The following SUGCT variants were observed in gnomAD, a reference collection of about 807,000 sequenced individuals.
SUGCT encodes the protein succinyl-CoA:glutarate-CoA transferase.
Under a neutral mutation model 55.0 loss-of-function variants are expected in SUGCT, and 41 were observed. The ratio of observed to expected loss-of-function variants is 0.74; its 90% CI spans 0.58 to 0.97. The LOEUF (loss-of-function observed/expected upper bound fraction) is 0.97. Among genes scored for constraint, SUGCT ranks in the 50% least tolerant of loss-of-function variants. The pLI, the probability that SUGCT is intolerant of heterozygous loss-of-function variation, is 0.00. For missense variants in SUGCT, 568 were observed against 547.8 expected (o/e 1.04, Z -0.37); for synonymous variants, 187 against 200.4 (o/e 0.93, Z 0.56).
chr7:40,420,648 G>A (rs1477265855), intron 9 of SUGCT, among the ~76,000 whole-genome samples: 1 of 152,062 alleles, frequency 6.6e-6, no homozygotes, highest in Admixed American at 6.6e-5. Context: ...CAGGAAGAGT[G>A]TGTGTTTTAA....
intron 12 of SUGCT, among the ~76,000 whole-genome samples, chr7:40,507,817 G>A (rs534266119): frequency 2.0e-5 from 3 of 152,268 alleles, no homozygotes; most frequent in African/African-American, 4.8e-5. Flanking sequence ...TGGTAAAGCC[G>A]AACATATGTG....
intron 1 of SUGCT, among the ~76,000 whole-genome samples, chr7:40,171,550 C>T (rs1562812473): frequency 6.6e-6 from 1 of 152,218 alleles, no homozygotes; most frequent in South Asian, 2.1e-4. Context: ...TGTTAAATCA[C>T]CTTTTTCTAA....
chr7:40,800,066 A>G (rs1304275564), intron 13 of SUGCT, among the ~76,000 whole-genome samples: 2 of 152,196 alleles, frequency 1.3e-5, no homozygotes, highest in Non-Finnish European at 2.9e-5. Context: ...TTCATTTCTG[A>G]CATTCAAAAG....
At chr7:40,429,006 A>T (rs932668958) in intron 9 of SUGCT, among the ~76,000 whole-genome samples, 6 of 152,214 alleles carry the variant, frequency 3.9e-5, no homozygotes, top group African/African-American at 7.2e-5. Flanking sequence ...TTTAAAATAA[A>T]AATTTTAATT....
At chr7:40,518,550 T>C (rs574888762) in intron 12 of SUGCT, among the ~76,000 whole-genome samples, 23 of 152,262 alleles carry the variant, frequency 1.5e-4, no homozygotes, top group Admixed American at 1.2e-3. Flanking sequence ...GAAATAAATA[T>C]AGATATGTTA....
At chr7:40,999,315 G>A in the SUGCT span, among the ~76,000 whole-genome samples, 1 of 151,542 alleles carries the variant, frequency 6.6e-6, no homozygotes, top group Non-Finnish European at 1.5e-5. Context: ...CATCAGCCTT[G>A]GGACTAAAAC....
chr7:40,363,444 G>T (rs923743438), intron 9 of SUGCT, among the ~76,000 whole-genome samples: 1 of 151,936 alleles, frequency 6.6e-6, no homozygotes, highest in African/African-American at 2.4e-5. Context: ...TCTCTTGTGG[G>T]CATTTAGTAC....
At chr7:40,249,817 C>T (rs2150927299) in intron 7 of SUGCT, among the ~76,000 whole-genome samples, 1 of 152,190 alleles carries the variant, frequency 6.6e-6, no homozygotes, top group East Asian at 1.9e-4. Context: ...GACAGAGTCT[C>T]ACTTTGTCGC....
the SUGCT span, among the ~76,000 whole-genome samples, chr7:40,950,037 T>A: frequency 6.6e-5 from 10 of 152,124 alleles, no homozygotes. Context: ...ATCTATAAAT[T>A]ACCTTGGGCA....
chr7:40,891,793 A>G, the SUGCT span, among the ~76,000 whole-genome samples: 16 of 152,152 alleles, frequency 1.1e-4, no homozygotes, highest in Non-Finnish European at 2.1e-4. Flanking sequence ...GCAGATCATG[A>G]GGTCAGAAGA....
intron 7 of SUGCT, among the ~76,000 whole-genome samples, chr7:40,258,531 A>G (rs1005178246): frequency 6.6e-6 from 1 of 152,122 alleles, no homozygotes; most frequent in Admixed American, 6.6e-5. Flanking sequence ...GGAGTGTGCA[A>G]CCATCTCCAG....
chr7:40,687,857 G>A lies in SUGCT; in HGVS notation c.1090-61577G>A, dbSNP rs1411821041. Among the ~76,000 whole-genome samples, 4 of 152,344 alleles carry A rather than the reference G, an allele frequency of 2.6e-5. No individual in the cohort carries two copies. In the East Asian group the frequency reaches 7.7e-4, roughly 29 times the overall value. Reference sequence around the variant, plus strand: ...TTCTGTGAAGGCTTCCAGGTTCTATGAGTGAGCAAGCTTGAAGCAGAGAGG... The same window carrying A: ...TTCTGTGAAGGCTTCCAGGTTCTATAAGTGAGCAAGCTTGAAGCAGAGAGG... On this transcript the variant is annotated intron_variant, in intron 12 of 13. Transcript: ENST00000335693.
intron 13 of SUGCT, among the ~76,000 whole-genome samples, chr7:40,844,113 C>CA (rs908452484): frequency 1.3e-5 from 2 of 152,114 alleles, no homozygotes; most frequent in African/African-American, 4.8e-5. Flanking sequence ...AGCATCCAAG[C>CA]ATGTTACAAT....
chr7:40,491,098 T>C (rs922197031), intron 11 of SUGCT, among the ~76,000 whole-genome samples: 3 of 152,226 alleles, frequency 2.0e-5, no homozygotes, highest in Non-Finnish European at 4.4e-5. Flanking sequence ...CAGCAAATAC[T>C]GAGTGCCAGT....
chr7:40,649,312 CTT>C (rs2151836671), intron 12 of SUGCT, among the ~76,000 whole-genome samples: 1 of 152,228 alleles, frequency 6.6e-6, no homozygotes, highest in Non-Finnish European at 1.5e-5. Context: ...CTTTTTACCT[CTT>C]ACAATGTAAT....
In SUGCT at chr7:40,512,932, C is replaced by G. The variant is rs186527418; in HGVS notation, c.1089+16546C>G. On this transcript the variant is annotated intron_variant, in intron 12 of 13. Coordinates refer to ENST00000335693, the MANE Select transcript of SUGCT (RefSeq NM_001193313.2). Reference sequence around the variant, plus strand: ...AATTGTAGCACCATATACTATGATGCCAGCTACTGGAAGTGGAGCAGATAG... The same window carrying G: ...AATTGTAGCACCATATACTATGATGGCAGCTACTGGAAGTGGAGCAGATAG... Among the ~76,000 whole-genome samples, 5 of 152,184 alleles carry G rather than the reference C, an allele frequency of 3.3e-5. No individual in the cohort carries two copies. In the East Asian group the frequency reaches 9.7e-4, roughly 29 times the overall value.
intron 6 of SUGCT, among the ~76,000 whole-genome samples, chr7:40,198,054 T>A (rs1786385846): frequency 6.6e-6 from 1 of 152,204 alleles, no homozygotes; most frequent in African/African-American, 2.4e-5. Context: ...CAAGGAAGAA[T>A]GGTTCTATCA....
At chr7:40,484,704 T>A (rs1461973247) in intron 11 of SUGCT, among the ~76,000 whole-genome samples, 2 of 152,288 alleles carry the variant, frequency 1.3e-5, no homozygotes, top group East Asian at 3.9e-4. Flanking sequence ...AAATAGTATT[T>A]CTTGTGGTGC....
chr7:41,025,644 C>T, the SUGCT span, among the ~76,000 whole-genome samples: 3,671 of 151,944 alleles, frequency 0.024, 165 homozygotes, highest in African/African-American at 0.085. Context: ...TGTGAGCCAC[C>T]GTGCCCAGCC....
Sources: allele counts gnomAD v4.1 joint callset (sites outside exome capture counted in the v4.1 genomes callset), GRCh38; gene constraint gnomAD v4.1.1; transcripts MANE v1.5; gene names NCBI Gene and HGNC (gene_info 2026-07-23, HGNC 2026-07-21).